Variants in SLIT3 observed in about 807,000 individuals in gnomAD.
The protein encoded by SLIT3 is slit homolog 3 protein.
In SLIT3, 68 loss-of-function variants were observed where a neutral mutation model predicts 184.0. That is an observed-to-expected ratio of 0.37 (90% CI 0.30 to 0.45). The LOEUF (loss-of-function observed/expected upper bound fraction) is 0.45, where lower values mean the gene tolerates loss of function less well. SLIT3 is among the 20% of genes least tolerant of loss of function. The probability of loss-of-function intolerance (pLI) is 1.00; values close to 1 mark genes in which losing one functional copy is unlikely to be tolerated. For missense variants in SLIT3, 1,707 were observed against 2,026.0 expected, an observed-to-expected ratio of 0.84 and a Z score of 3.02; for synonymous variants, 831 against 828.6, an observed-to-expected ratio of 1.00 and a Z score of -0.05.
chr5:168,786,060 G>C, intron 11 of SLIT3, 82 bp from the exon 12 acceptor site: 2 of 925,802 alleles, frequency 2.2e-6, no homozygotes, highest in East Asian at 4.8e-5. Flanking sequence ...CATCACCTCG[G>C]CCAGTTCTGG....
At chr5:169,012,913 T>A (rs1161419716) in intron 4 of SLIT3, 1 of 152,238 alleles carries the variant, frequency 6.6e-6, no homozygotes, top group African/African-American at 2.4e-5. Flanking sequence ...TGAGGCTCAC[T>A]TTCTGCGTCT....
At chr5:169,195,275 C>G (rs776849989) in intron 3 of SLIT3, among the ~76,000 whole-genome samples, 1 of 152,016 alleles carries the variant, frequency 6.6e-6, no homozygotes, top group Non-Finnish European at 1.5e-5. Flanking sequence ...CTATGGACAA[C>G]AACTTTAGAG....
At chr5:168,718,816 C>T (rs549435463) in intron 23 of SLIT3, among the ~76,000 whole-genome samples, 22 of 152,018 alleles carry the variant, frequency 1.4e-4, no homozygotes, top group East Asian at 7.7e-4. Context: ...CCTTTGTCTA[C>T]GCCCAAACTA....
chr5:168,970,347 T>C lies in SLIT3; in HGVS notation c.414-87011A>G, dbSNP rs530788857. Among the ~76,000 whole-genome samples, 5 of 150,952 alleles carry C rather than the reference T, an allele frequency of 3.3e-5. No individual in the cohort carries two copies. In the East Asian group the frequency reaches 9.8e-4, roughly 30 times the overall value. On this transcript the variant is annotated intron_variant, in intron 4 of 35. Coordinates refer to ENST00000519560, the MANE Select transcript of SLIT3 (RefSeq NM_003062.4). Reference sequence around the variant, plus strand: ...CCCATCTCTACTAAAAATACAAAAATAGCCAAGCGTGGTGGCACATGCCTG... The same window carrying C: ...CCCATCTCTACTAAAAATACAAAAACAGCCAAGCGTGGTGGCACATGCCTG...
At chr5:168,967,916 T>C (rs945314339) in intron 4 of SLIT3, among the ~76,000 whole-genome samples, 4 of 152,158 alleles carry the variant, frequency 2.6e-5, no homozygotes, top group African/African-American at 9.6e-5. Context: ...CAGTAGAGAT[T>C]TCAGACACTC....
At chr5:168,871,329 C>T (rs1339781223) in intron 5 of SLIT3, among the ~76,000 whole-genome samples, 3 of 152,192 alleles carry the variant, frequency 2.0e-5, no homozygotes, top group African/African-American at 7.2e-5. Flanking sequence ...TACACATTCA[C>T]ATACATTAGA....
chr5:169,056,956 G>T (rs149423127), intron 4 of SLIT3, among the ~76,000 whole-genome samples: 141 of 152,326 alleles, frequency 9.3e-4, no homozygotes, highest in African/African-American at 3.2e-3. Context: ...TTTCTCAGCT[G>T]TAAAGTAAGA....
chr5:168,845,132 G>A (rs1007216090), intron 5 of SLIT3, among the ~76,000 whole-genome samples: 4 of 152,030 alleles, frequency 2.6e-5, no homozygotes, highest in African/African-American at 9.7e-5. Context: ...CTGACACAGT[G>A]CTAAATCTCA....
At chr5:169,254,961 G>A (rs1765899011) in intron 1 of SLIT3, among the ~76,000 whole-genome samples, 1 of 152,186 alleles carries the variant, frequency 6.6e-6, no homozygotes, top group South Asian at 2.1e-4. Context: ...GTAACATATA[G>A]CAATGTTTCA....
At chr5:169,197,386 G>A (rs895568135) in intron 3 of SLIT3, among the ~76,000 whole-genome samples, 4 of 152,262 alleles carry the variant, frequency 2.6e-5, no homozygotes, top group Admixed American at 2.0e-4. Context: ...TATGGGCCTG[G>A]AAAGTCTTCC....
chr5:168,805,462 C>G (rs1027125773), intron 9 of SLIT3, among the ~76,000 whole-genome samples: 1 of 152,044 alleles, frequency 6.6e-6, no homozygotes, highest in African/African-American at 2.4e-5. Flanking sequence ...ATATAATGAT[C>G]TTTTTAATCA....
chr5:168,907,969 TATATATATATAGAGAGAG>T (rs1761127492), intron 4 of SLIT3, among the ~76,000 whole-genome samples: 1 of 76,710 alleles, frequency 1.3e-5, no homozygotes, highest in Non-Finnish European at 2.6e-5. Flanking sequence ...TATATATATA[TATATATATATAGAGAGAG>T]AGAGAGAGAG....
intron 3 of SLIT3, among the ~76,000 whole-genome samples, chr5:169,213,696 G>C (rs1423476727): frequency 6.6e-6 from 1 of 152,102 alleles, no homozygotes. Flanking sequence ...CATTTTACTT[G>C]TTTTGTTTAC....
chr5:168,744,939 G>A (rs779890922), intron 20 of SLIT3, among the ~76,000 whole-genome samples: 2 of 152,202 alleles, frequency 1.3e-5, no homozygotes, highest in African/African-American at 2.4e-5. Flanking sequence ...AATATATTTT[G>A]TAAGGCCATA....
chr5:168,680,513 C>T lies in SLIT3; in HGVS notation c.3686+3453G>A, dbSNP rs550316770. 2.0e-5 allele frequency among the ~76,000 whole-genome samples: 3 copies of T among 152,378 alleles called. No individual in the cohort carries two copies. The East Asian group carries it at 5.8e-4, about 29-fold the overall frequency. On this transcript the variant is annotated intron_variant, in intron 32 of 35. Transcript: ENST00000519560. The stretch of plus-strand genomic sequence containing the variant: ...TCAGTGGGCCTTAGTGAGCCAAAAG[C>T]TGGTGGCTGCCAACTCCCCCAGTTA...
chr5:169,219,044 G>A (rs1043540931), intron 3 of SLIT3, among the ~76,000 whole-genome samples: 2 of 152,222 alleles, frequency 1.3e-5, no homozygotes, highest in African/African-American at 4.8e-5. Flanking sequence ...CAGAGCCAAT[G>A]TAAACAACAG....
At chr5:169,203,849 G>A (rs1170679395) in intron 3 of SLIT3, among the ~76,000 whole-genome samples, 2 of 152,122 alleles carry the variant, frequency 1.3e-5, no homozygotes, top group African/African-American at 4.8e-5. Flanking sequence ...AGCCAAGATG[G>A]GGGAAGACTG....
intron 14 of SLIT3, chr5:168,768,275 A>G (rs756659179): frequency 6.1e-6 from 3 of 489,950 alleles, no homozygotes; most frequent in Non-Finnish European, 1.3e-5. Flanking sequence ...GTCAGGAAGC[A>G]GCGTCAGAGA....
At chr5:169,018,388 TG>T (rs3835076) in intron 4 of SLIT3, 44,530 of 152,090 alleles carry the variant, frequency 0.29, 7,792 homozygotes, top group East Asian at 0.52. Context: ...CCTTCTTTTT[TG>T]CAGGGAGGTG....
Sources: gnomAD v4.1 joint callset for allele counts (sites outside exome capture counted in the v4.1 genomes callset) on GRCh38, gnomAD v4.1.1 for gene constraint, MANE v1.5 for transcripts, NCBI Gene and HGNC (gene_info 2026-07-23, HGNC 2026-07-21) for gene names.